Variants in TPCN1 observed in about 807,000 individuals in gnomAD.
TPCN1 encodes two pore channel protein 1.
In TPCN1, 52 loss-of-function variants were observed where a neutral mutation model predicts 108.8. That is an observed-to-expected ratio of 0.48 (90% CI 0.38 to 0.60). The LOEUF (loss-of-function observed/expected upper bound fraction) is 0.60. Among genes scored for constraint, TPCN1 ranks in the 20% least tolerant of loss-of-function variants. The pLI, the probability that TPCN1 is intolerant of heterozygous loss-of-function variation, is 0.00. For missense variants in TPCN1, 806 were observed against 1,072.8 expected (o/e 0.75, Z 3.47); for synonymous variants, 446 against 433.7 (o/e 1.03, Z -0.35).
intron 2 of TPCN1, among the ~76,000 whole-genome samples, chr12:113,234,934 G>A (rs1953827838): frequency 6.6e-6 from 1 of 152,216 alleles, no homozygotes; most frequent in Non-Finnish European, 1.5e-5. Context: ...GTGAAATCTG[G>A]TCAGTAGGCT....
Position 113,273,273 on chromosome 12 carries a change from CCTT to C in TPCN1, c.828_830del (p.Leu277del), listed in dbSNP as rs752749864. On this transcript the variant is annotated inframe_deletion, in exon 9 of 28. Coordinates refer to ENST00000335509, the MANE Select transcript of TPCN1 (RefSeq NM_017901.6). This position sits in a 1 kb window ranked among gnomAD's most constrained non-coding sequence, Gnocchi z 4.0. ...AGAACAGCATCGTCAGTCTGTTTGTCCTTCTGACCACAGCCAAGTAAGTGCAGG... is the reference window on the plus strand; with the variant it reads ...AGAACAGCATCGTCAGTCTGTTTGTCCTGACCACAGCCAAGTAAGTGCAGG... The C allele has an allele frequency of 1.2e-6, 2 of 1,614,224 alleles. No homozygotes were observed. Among genetic ancestry groups the C allele is most frequent in the African/African-American group, 1.3e-5 (1 of 75,050 alleles).
At chr12:113,257,301 G>C (rs1954862157) in intron 2 of TPCN1, among the ~76,000 whole-genome samples, 1 of 152,154 alleles carries the variant, frequency 6.6e-6, no homozygotes, top group East Asian at 1.9e-4. Context: ...AGGCCAGCCT[G>C]GCCAACATGG....
chr12:113,274,510 A>G (rs1593172722), intron 10 of TPCN1, among the ~76,000 whole-genome samples: 1 of 152,144 alleles, frequency 6.6e-6, no homozygotes, highest in East Asian at 1.9e-4. Flanking sequence ...AAGGCTGTAC[A>G]TGTTCAGTAC....
At position 113,266,362 on chromosome 12, in the gene TPCN1, C is replaced by T. The variant is rs984572087; in HGVS notation, c.414+6C>T. 8 of 1,604,010 alleles carry T rather than the reference C, an allele frequency of 5.0e-6. No individual in the cohort carries two copies. The highest frequency in any genetic ancestry group is 1.7e-5 in the Admixed American group (1 of 59,934). ...CACTCCGGCTTGGCATCTATGTGAG[C>T]GCACATGCTCCTCATACGGGGGGCT... On this transcript the variant is annotated splice_donor_region_variant and intron_variant, in intron 4 of 27. Coordinates refer to ENST00000335509, the MANE Select transcript of TPCN1 (RefSeq NM_017901.6). The surrounding 1 kb of genome is among the most constrained non-coding windows in gnomAD (Gnocchi z 4.2).
rs1035180096 is a variant in TPCN1, at chr12:113,268,271, C to T, written c.528+315C>T. 7.2e-5 allele frequency among the ~76,000 whole-genome samples: 11 copies of T among 152,226 alleles called. No homozygotes were observed. The highest frequency in any genetic ancestry group is 6.2e-4 in the South Asian group (3 of 4,830). On this transcript the variant is annotated intron_variant, in intron 5 of 27. Transcript: ENST00000335509. The surrounding 1 kb of genome is among the most constrained non-coding windows in gnomAD (Gnocchi z 7.3). ...GGCTCACACCCAGCTCTGCCCACTG[C>T]GCCCGGCTCACCTGTCCCTAGTGTT...
At chr12:113,228,751 C>T (rs1191284853) in intron 2 of TPCN1, among the ~76,000 whole-genome samples, 1 of 152,196 alleles carries the variant, frequency 6.6e-6, no homozygotes, top group Non-Finnish European at 1.5e-5. Context: ...CAAGGTCACA[C>T]AGCTAGTAAG....
intron 18 of TPCN1, among the ~76,000 whole-genome samples, chr12:113,286,590 T>A (rs774269962): frequency 6.6e-6 from 1 of 152,184 alleles, no homozygotes; most frequent in African/African-American, 2.4e-5. Flanking sequence ...CTCAAAAAGT[T>A]CCTTGGGGTC....
intron 2 of TPCN1, among the ~76,000 whole-genome samples, chr12:113,252,269 C>T (rs540240073): frequency 1.3e-5 from 2 of 152,278 alleles, no homozygotes; most frequent in Admixed American, 1.3e-4. Context: ...GTCATTGAGG[C>T]TTGTTAGCAA....
At chr12:113,247,906 T>A (rs1440057384) in intron 2 of TPCN1, among the ~76,000 whole-genome samples, 1 of 152,192 alleles carries the variant, frequency 6.6e-6, no homozygotes, top group African/African-American at 2.4e-5. Flanking sequence ...AGTCCTGTTT[T>A]CTGAGGTTGA....
intron 2 of TPCN1, among the ~76,000 whole-genome samples, chr12:113,250,847 G>A (rs1954607516): frequency 6.6e-6 from 1 of 151,880 alleles, no homozygotes; most frequent in African/African-American, 2.4e-5. Flanking sequence ...GTTGGTGCAT[G>A]CCCAGCTACT....
chr12:113,244,342 C>T (rs1593102688), intron 2 of TPCN1: 1 of 985,482 alleles, frequency 1.0e-6, no homozygotes, highest in Non-Finnish European at 1.2e-6. Context: ...GGCTCTGTGC[C>T]AGTTCTTGCC....
At chr12:113,236,342 G>A (rs1357986205) in intron 2 of TPCN1, among the ~76,000 whole-genome samples, 3 of 152,222 alleles carry the variant, frequency 2.0e-5, no homozygotes, top group African/African-American at 7.2e-5. Context: ...TACCTGCCTG[G>A]TGCCTGTAGG....
At chr12:113,258,482 A>G (rs988367749) in intron 2 of TPCN1, among the ~76,000 whole-genome samples, 4 of 151,860 alleles carry the variant, frequency 2.6e-5, no homozygotes, top group Admixed American at 6.6e-5. Context: ...AGGAAGAAAG[A>G]AAAAACAAGG....
intron 3 of TPCN1, among the ~76,000 whole-genome samples, chr12:113,264,178 C>T (rs1280558182): frequency 6.6e-6 from 1 of 152,194 alleles, no homozygotes; most frequent in Non-Finnish European, 1.5e-5. Flanking sequence ...CAGCCCTGCA[C>T]AGAGCACAGA....
Position 113,296,414 on chromosome 12 carries a change from G to T in TPCN1, c.*338G>T, listed in dbSNP as rs530564825. ...ATGTGGGCTGGCCTCCATCGGCCAC[G>T]TCCAAAGCTGTCACTGCTACTGCTT... On this transcript the variant is annotated 3_prime_UTR_variant, in exon 28 of 28. Coordinates refer to ENST00000335509, the MANE Select transcript of TPCN1 (RefSeq NM_017901.6). 7.4e-6 allele frequency: 2 copies of T among 271,834 alleles called. No homozygotes were observed. The highest frequency in any genetic ancestry group is 9.3e-5 in the Admixed American group (2 of 21,452). 16.8% of individuals were successfully genotyped at this position (271,834 alleles called of 1,614,324 possible).
At chr12:113,259,924 T>C (rs1198224752) in intron 2 of TPCN1, among the ~76,000 whole-genome samples, 1 of 152,228 alleles carries the variant, frequency 6.6e-6, no homozygotes, top group Admixed American at 6.5e-5. Context: ...CAAATCCAGT[T>C]GTTTTTAATT....
chr12:113,223,115 C>G (rs1278967928), intron 1 of TPCN1, among the ~76,000 whole-genome samples: 1 of 151,936 alleles, frequency 6.6e-6, no homozygotes. Flanking sequence ...GATTTAAAAG[C>G]AAAATAAATC....
At position 113,272,441 on chromosome 12, in the gene TPCN1, C is replaced by T. The variant is rs1955534913; in HGVS notation, c.749-217C>T. On this transcript the variant is annotated intron_variant, in intron 7 of 27. Coordinates refer to ENST00000335509, the MANE Select transcript of TPCN1 (RefSeq NM_017901.6). The surrounding 1 kb of genome is among the most constrained non-coding windows in gnomAD (Gnocchi z 4.1). ...TTTTGAAAGAACAGAGCCGATAGTG[C>T]CCGGCACATTGCTGTAGGGCAGCAA... Among the ~76,000 whole-genome samples, 1 of 152,286 alleles carries T rather than the reference C, an allele frequency of 6.6e-6. No homozygotes were observed. The highest frequency in any genetic ancestry group is 2.1e-4 in the South Asian group (1 of 4,832).
chr12:113,242,056 C>CG (rs901023339), intron 2 of TPCN1, among the ~76,000 whole-genome samples: 2 of 152,028 alleles, frequency 1.3e-5, no homozygotes, highest in African/African-American at 4.8e-5. Context: ...TCTGGCAAAC[C>CG]GGGGGGCATG....
Sources: allele counts gnomAD v4.1 joint callset (sites outside exome capture counted in the v4.1 genomes callset), GRCh38; gene constraint gnomAD v4.1.1; non-coding constraint Gnocchi (gnomAD v3.1); transcripts MANE v1.5; gene names NCBI Gene and HGNC (gene_info 2026-07-23, HGNC 2026-07-21).